The following IL33 variants were observed in gnomAD, a reference collection of about 807,000 sequenced individuals.
IL33 encodes interleukin-33.
Under a neutral mutation model 27.3 loss-of-function variants are expected in IL33, and 37 were observed. The ratio of observed to expected loss-of-function variants is 1.36; its 90% CI spans 1.04 to 1.78. The LOEUF (loss-of-function observed/expected upper bound fraction) is 1.78. IL33 is among the 40% of genes most tolerant of loss of function. IL33 has a pLI of 0.00. For synonymous variants in IL33, 132 were observed against 102.9 expected, an observed-to-expected ratio of 1.28 and a Z score of -1.71; for missense variants, 406 against 311.4, an observed-to-expected ratio of 1.30 and a Z score of -2.29.
At chr9:6,229,305 A>G (rs1818813773) in intron 1 of IL33, among the ~76,000 whole-genome samples, 1 of 152,118 alleles carries the variant, frequency 6.6e-6, no homozygotes, top group South Asian at 2.1e-4. Context: ...AAAGATTACT[A>G]CAGACTTGAT....
intron 1 of IL33, among the ~76,000 whole-genome samples, chr9:6,220,247 C>A (rs1818352072): frequency 6.6e-6 from 1 of 152,194 alleles, no homozygotes; most frequent in African/African-American, 2.4e-5. Context: ...TAATTCCCCT[C>A]CACTTTGAAC....
chr9:6,235,098 T>C (rs1348838393), intron 1 of IL33, among the ~76,000 whole-genome samples: 2 of 152,234 alleles, frequency 1.3e-5, no homozygotes. Context: ...GACTGGAGTA[T>C]AGTGCTATCA....
At chr9:6,252,771 C>A in intron 4 of IL33, 95 bp from the exon 5 acceptor site, 1 of 1,441,316 alleles carries the variant, frequency 6.9e-7, no homozygotes, top group Admixed American at 2.0e-5. Context: ...ATACAAAATG[C>A]AACTCAAATT....
intron 1 of IL33, among the ~76,000 whole-genome samples, chr9:6,221,178 T>A (rs1269989926): frequency 6.6e-6 from 1 of 152,140 alleles, no homozygotes; most frequent in East Asian, 1.9e-4. Flanking sequence ...TCCTGTTTTT[T>A]CCCCCATAAG....
intron 6 of IL33, among the ~76,000 whole-genome samples, chr9:6,254,177 G>A (rs574763486): frequency 6.6e-6 from 1 of 152,244 alleles, no homozygotes; most frequent in South Asian, 2.1e-4. Context: ...ACTATGAGTG[G>A]CTTTACATGC....
At chr9:6,255,906 AG>A (rs2130480960) in intron 7 of IL33, 61 bp from the exon 8 acceptor site, 1 of 1,297,992 alleles carries the variant, frequency 7.7e-7, no homozygotes. Context: ...CAATACAGGC[AG>A]GTAAAGTTGA....
chr9:6,222,553 G>A (rs11787939), intron 1 of IL33, among the ~76,000 whole-genome samples: 15,041 of 152,050 alleles, frequency 0.099, 1,601 homozygotes, highest in African/African-American at 0.26. Flanking sequence ...TATTTCTGTC[G>A]CTATTCAATA....
At chr9:6,241,621 C>A in intron 1 of IL33, 63 bp from the exon 2 acceptor site, 1 of 938,042 alleles carries the variant, frequency 1.1e-6, no homozygotes, top group East Asian at 2.6e-5. Context: ...GAGCTAGCCA[C>A]AGTTGTTTCC....
chr9:6,253,114 G>A, intron 5 of IL33, 123 bp downstream of exon 5: 1 of 678,820 alleles, frequency 1.5e-6, no homozygotes, highest in Non-Finnish European at 2.4e-6. Flanking sequence ...CATGCTGTGT[G>A]CTAACTCTAA....
At chr9:6,250,697 T>C in intron 3 of IL33, 98 bp downstream of exon 3, 6 of 1,402,246 alleles carry the variant, frequency 4.3e-6, no homozygotes, top group Non-Finnish European at 5.7e-6. Flanking sequence ...CACTCCAAGG[T>C]TCCTTTTGGA....
At chr9:6,223,492 A>G (rs930987629) in intron 1 of IL33, among the ~76,000 whole-genome samples, 3 of 152,020 alleles carry the variant, frequency 2.0e-5, no homozygotes, top group African/African-American at 7.2e-5. Flanking sequence ...TTTCTATCAT[A>G]TATAATATTA....
intron 1 of IL33, among the ~76,000 whole-genome samples, chr9:6,221,111 G>A (rs1207192100): frequency 6.6e-6 from 1 of 152,092 alleles, no homozygotes; most frequent in East Asian, 1.9e-4. Flanking sequence ...ACAAGTTTCA[G>A]GCACAGAAAT....
intron 1 of IL33, among the ~76,000 whole-genome samples, chr9:6,222,356 G>A (rs138582446): frequency 6.6e-6 from 1 of 152,244 alleles, no homozygotes; most frequent in East Asian, 1.9e-4. Context: ...TAGCTGGCAT[G>A]GCATTAGCAA....
chr9:6,230,206 A>C (rs1477906631), intron 1 of IL33, among the ~76,000 whole-genome samples: 1 of 152,136 alleles, frequency 6.6e-6, no homozygotes, highest in Non-Finnish European at 1.5e-5. Context: ...TTTACCTTAA[A>C]GACATAAAAC....
At chr9:6,248,913 A>G (rs1222337726) in intron 2 of IL33, among the ~76,000 whole-genome samples, 1 of 152,180 alleles carries the variant, frequency 6.6e-6, no homozygotes, top group African/African-American at 2.4e-5. Context: ...TACCAAGTCT[A>G]TGGTATTCTG....
At chr9:6,235,554 G>A (rs564895743) in intron 1 of IL33, among the ~76,000 whole-genome samples, 1 of 152,118 alleles carries the variant, frequency 6.6e-6, no homozygotes, top group South Asian at 2.1e-4. Flanking sequence ...CTTATGTATG[G>A]CCAAAAAATG....
chr9:6,227,656 T>G (rs1818702954), intron 1 of IL33, among the ~76,000 whole-genome samples: 1 of 152,162 alleles, frequency 6.6e-6, no homozygotes, highest in Admixed American at 6.5e-5. Context: ...AACCATTAAG[T>G]GTAATGCTTT....
chr9:6,245,812 C>T (rs1819801146), intron 2 of IL33, among the ~76,000 whole-genome samples: 1 of 151,996 alleles, frequency 6.6e-6, no homozygotes, highest in Admixed American at 6.6e-5. Context: ...CCTGTAATCC[C>T]AGAACTTTGG....
chr9:6,231,546 T>C (rs1225708260), intron 1 of IL33, among the ~76,000 whole-genome samples: 1 of 152,230 alleles, frequency 6.6e-6, no homozygotes, highest in African/African-American at 2.4e-5. Context: ...TTATCTTCTT[T>C]ACCAGTCCAA....
Sources: gnomAD v4.1 joint callset for allele counts (sites outside exome capture counted in the v4.1 genomes callset) on GRCh38, gnomAD v4.1.1 for gene constraint, MANE v1.5 for transcripts, NCBI Gene and HGNC (gene_info 2026-07-23, HGNC 2026-07-21) for gene names.